The following ARHGAP24 variants were observed in gnomAD, a reference collection of about 807,000 sequenced individuals.
The protein encoded by ARHGAP24 is rho GTPase-activating protein 24.
Under a neutral mutation model 76.4 loss-of-function variants are expected in ARHGAP24, and 50 were observed. That is an observed-to-expected ratio of 0.65 (90% CI 0.52 to 0.83). The LOEUF (loss-of-function observed/expected upper bound fraction) is 0.83, where lower values mean the gene tolerates loss of function less well. ARHGAP24 is among the 40% of genes least tolerant of loss of function. The pLI is 0.00. For synonymous variants in ARHGAP24, 345 were observed against 323.3 expected, an observed-to-expected ratio of 1.07 and a Z score of -0.72; for missense variants, 930 against 914.2, an observed-to-expected ratio of 1.02 and a Z score of -0.22.
At chr4:85,910,035 C>T (rs1049738234) in intron 3 of ARHGAP24, among the ~76,000 whole-genome samples, 13 of 152,284 alleles carry the variant, frequency 8.5e-5, no homozygotes, top group South Asian at 2.1e-4. Context: ...GCATGGGGTC[C>T]GGCCACTGCA....
At chr4:85,775,147 A>G (rs1727266883) in intron 3 of ARHGAP24, among the ~76,000 whole-genome samples, 1 of 152,146 alleles carries the variant, frequency 6.6e-6, no homozygotes, top group African/African-American at 2.4e-5. Context: ...AAATGGGGAA[A>G]TGGGATAGAG....
chr4:85,975,227 T>C (rs1226124577), intron 7 of ARHGAP24, among the ~76,000 whole-genome samples: 1 of 152,206 alleles, frequency 6.6e-6, no homozygotes, highest in Non-Finnish European at 1.5e-5. Flanking sequence ...TTTTGTACTG[T>C]TTCAGAAGTG....
intron 3 of ARHGAP24, among the ~76,000 whole-genome samples, chr4:85,898,020 C>T (rs1022521866): frequency 3.4e-5 from 4 of 119,258 alleles, no homozygotes; most frequent in Non-Finnish European, 6.6e-5. Context: ...TATATATACA[C>T]ACACATATAT....
Position 85,923,655 on chromosome 4 carries a change from T to A in ARHGAP24, c.276T>A (p.Asp92Glu), listed in dbSNP as rs753759228. The change falls in exon 4 of 10, where the codon GAT becomes GAA. Residue 92 changes from aspartate (D) to glutamate (E), a missense_variant. Physicochemically the swap from Asp to Glu is conservative, Grantham distance 45 (BLOSUM62 2). Transcript: ENST00000395184. ...KFLFEVVPGG[D>E]RDRMTANHES... ...GTTACTGTGTTTTCACAGGAGGCGA[T>A]CGAGATCGGATGACAGCAAATCATG... 149 of 1,613,586 alleles carry A rather than the reference T, an allele frequency of 9.2e-5. 4 individuals carry two copies. The South Asian group carries it at 1.6e-3, about 17-fold the overall frequency.
intron 3 of ARHGAP24, among the ~76,000 whole-genome samples, chr4:85,805,104 G>C (rs1728734319): frequency 6.6e-6 from 1 of 152,220 alleles, no homozygotes; most frequent in East Asian, 1.9e-4. Flanking sequence ...AGTTGATTAG[G>C]GAGCCTGTGG....
intron 1 of ARHGAP24, among the ~76,000 whole-genome samples, chr4:85,566,869 C>T (rs1021793248): frequency 6.6e-6 from 1 of 152,122 alleles, no homozygotes; most frequent in Non-Finnish European, 1.5e-5. Context: ...TTGGAGGAGA[C>T]AGATTTTAAG....
At chr4:85,713,912 T>C (rs2110036738) in intron 2 of ARHGAP24, among the ~76,000 whole-genome samples, 1 of 152,284 alleles carries the variant, frequency 6.6e-6, no homozygotes, top group South Asian at 2.1e-4. Context: ...ATGCCTGTAA[T>C]ATTACAGAGT....
intron 3 of ARHGAP24, chr4:85,827,961 G>C: frequency 1.4e-5 from 18 of 1,289,770 alleles, no homozygotes; most frequent in Non-Finnish European, 1.8e-5. Context: ...CCACTGAAGT[G>C]TATGTTTGTG....
At position 85,883,362 on chromosome 4, in the gene ARHGAP24, A is replaced by C. The variant is rs142707677; in HGVS notation, c.269-40286A>C. 7.7e-3 allele frequency among the ~76,000 whole-genome samples: 1,169 copies of C among 152,312 alleles called. 10 individuals are homozygous for C. The highest frequency in any genetic ancestry group is 0.012 in the Non-Finnish European group (844 of 68,026). ...CAACTGAATCACTTGGGTTGCTTGTAAAATATTTTATGGAATGGTTCCTCT... is the reference window on the plus strand; with the variant it reads ...CAACTGAATCACTTGGGTTGCTTGTCAAATATTTTATGGAATGGTTCCTCT... On this transcript the variant is annotated intron_variant, in intron 3 of 9. Coordinates refer to ENST00000395184, the MANE Select transcript of ARHGAP24 (RefSeq NM_001025616.3).
chr4:85,906,037 A>G (rs778420442), intron 3 of ARHGAP24, among the ~76,000 whole-genome samples: 1 of 152,308 alleles, frequency 6.6e-6, no homozygotes, highest in South Asian at 2.1e-4. Flanking sequence ...GAGGCTAAAG[A>G]CATTGTTTAG....
intron 3 of ARHGAP24, among the ~76,000 whole-genome samples, chr4:85,794,692 AG>A (rs771351047): frequency 2.0e-5 from 3 of 152,216 alleles, no homozygotes; most frequent in South Asian, 4.1e-4. Flanking sequence ...CATGTTGGCC[AG>A]GCTGGTCTTG....
intron 3 of ARHGAP24, among the ~76,000 whole-genome samples, chr4:85,738,409 A>G (rs1316837283): frequency 6.8e-6 from 1 of 147,474 alleles, no homozygotes; most frequent in Non-Finnish European, 1.5e-5. Context: ...TATTATCATT[A>G]TTATTATTAT....
At chr4:85,789,612 T>C (rs1728026095) in intron 3 of ARHGAP24, among the ~76,000 whole-genome samples, 1 of 152,168 alleles carries the variant, frequency 6.6e-6, no homozygotes. Context: ...GAAAAGCGTA[T>C]TATATTGCAA....
intron 2 of ARHGAP24, among the ~76,000 whole-genome samples, chr4:85,675,064 A>C (rs1349998796): frequency 6.6e-6 from 1 of 152,210 alleles, no homozygotes; most frequent in Non-Finnish European, 1.5e-5. Context: ...TCTGGTTTAC[A>C]ATATAGGAGA....
intron 1 of ARHGAP24, among the ~76,000 whole-genome samples, chr4:85,505,357 C>G (rs1053113304): frequency 2.0e-5 from 3 of 152,212 alleles, no homozygotes; most frequent in Non-Finnish European, 2.9e-5. Flanking sequence ...TTCAGGTACA[C>G]CAATCAAACG....
At chr4:85,570,103 G>A (rs1478056079) in intron 1 of ARHGAP24, among the ~76,000 whole-genome samples, 1 of 151,996 alleles carries the variant, frequency 6.6e-6, no homozygotes, top group Non-Finnish European at 1.5e-5. Flanking sequence ...GTTCTACTTA[G>A]GGACAAAGAG....
At chr4:85,837,749 G>A (rs1473631144) in intron 3 of ARHGAP24, among the ~76,000 whole-genome samples, 1 of 152,156 alleles carries the variant, frequency 6.6e-6, no homozygotes. Context: ...CATATGGACT[G>A]TATTCCAATC....
At chr4:85,929,295 A>G (rs1736188431) in intron 4 of ARHGAP24, among the ~76,000 whole-genome samples, 1 of 152,236 alleles carries the variant, frequency 6.6e-6, no homozygotes, top group South Asian at 2.1e-4. Flanking sequence ...AATCCTTTCA[A>G]TGACAAAAGA....
intron 1 of ARHGAP24, among the ~76,000 whole-genome samples, chr4:85,492,190 T>G (rs1244650451): frequency 6.6e-6 from 1 of 152,054 alleles, no homozygotes; most frequent in African/African-American, 2.4e-5. Context: ...CAAACTTTCT[T>G]ATGATCTTTT....
Sources: allele counts gnomAD v4.1 joint callset (sites outside exome capture counted in the v4.1 genomes callset), GRCh38; gene constraint gnomAD v4.1.1; transcripts MANE v1.5; gene names NCBI Gene and HGNC (gene_info 2026-07-23, HGNC 2026-07-21).